CADM1: variants seen among roughly 807,000 people sequenced by gnomAD.
CADM1 encodes the protein cell adhesion molecule 1.
A neutral mutation model predicts 53.1 loss-of-function variants in CADM1; 15 were observed. The ratio of observed to expected loss-of-function variants is 0.28; its 90% CI spans 0.19 to 0.44. The LOEUF (loss-of-function observed/expected upper bound fraction) is 0.44. Ranked by LOEUF, CADM1 falls within the 20% of genes least tolerant of loss-of-function variation. CADM1 has a pLI of 1.00. For synonymous variants in CADM1, 281 were observed against 243.0 expected (o/e 1.16, Z -1.45); for missense variants, 434 against 611.3 (o/e 0.71, Z 3.06).
chr11:115,194,899 C>G (rs566954318), intron 9 of CADM1, among the ~76,000 whole-genome samples: 1 of 152,146 alleles, frequency 6.6e-6, no homozygotes, highest in African/African-American at 2.4e-5. Context: ...AACCATCACA[C>G]GCACCCACAC....
At chr11:115,376,532 T>C (rs999271179) in intron 1 of CADM1, among the ~76,000 whole-genome samples, 1 of 151,924 alleles carries the variant, frequency 6.6e-6, no homozygotes, top group Non-Finnish European at 1.5e-5. Flanking sequence ...AAAGCCAAGA[T>C]ACAAAAAAAG....
At chr11:115,479,122 G>A (rs1352244681) in intron 1 of CADM1, among the ~76,000 whole-genome samples, 1 of 152,094 alleles carries the variant, frequency 6.6e-6, no homozygotes, top group Admixed American at 6.5e-5. Context: ...AAATCATCTA[G>A]AAGTGGCAAT....
At chr11:115,497,346 A>G (rs1949641537) in intron 1 of CADM1, among the ~76,000 whole-genome samples, 1 of 152,204 alleles carries the variant, frequency 6.6e-6, no homozygotes, top group East Asian at 1.9e-4. Context: ...ATCTCCCTTA[A>G]GATAATCACC....
intron 1 of CADM1, among the ~76,000 whole-genome samples, chr11:115,340,658 A>ATATATATATTTTTTTTT (rs60532835): frequency 1.1e-4 from 4 of 34,938 alleles, no homozygotes; most frequent in East Asian, 1.1e-3. Flanking sequence ...ATATATATAT[A>ATATATATATTTTTTTTT]TTTTTTTTTT....
At chr11:115,231,883 G>A (rs1046329967) in intron 3 of CADM1, among the ~76,000 whole-genome samples, 7 of 152,138 alleles carry the variant, frequency 4.6e-5, no homozygotes, top group African/African-American at 1.7e-4. Flanking sequence ...CTACTTGGGA[G>A]GCTGAGGCAG....
chr11:115,374,997 A>G (rs773908283), intron 1 of CADM1, among the ~76,000 whole-genome samples: 2 of 152,220 alleles, frequency 1.3e-5, no homozygotes, highest in Non-Finnish European at 2.9e-5. Flanking sequence ...GTACAAAAGT[A>G]TTTAGGTAAG....
chr11:115,338,905 T>A (rs865848097), intron 1 of CADM1, among the ~76,000 whole-genome samples: 25 of 147,460 alleles, frequency 1.7e-4, no homozygotes, highest in Non-Finnish European at 2.3e-4. Context: ...TTTTTTTTTT[T>A]TTATTATACT....
At chr11:115,406,547 T>G (rs866487745) in intron 1 of CADM1, among the ~76,000 whole-genome samples, 20 of 148,132 alleles carry the variant, frequency 1.4e-4, no homozygotes, top group African/African-American at 4.9e-4. Flanking sequence ...TTATATAATG[T>G]AATACTTATA....
At chr11:115,252,697 G>A (rs987398882) in intron 1 of CADM1, among the ~76,000 whole-genome samples, 3 of 152,012 alleles carry the variant, frequency 2.0e-5, no homozygotes, top group Non-Finnish European at 4.4e-5. Flanking sequence ...TGTGAAGGGT[G>A]CCTAGTGTTA....
chr11:115,404,337 AAAAAAAAAAAT>A (rs1332336475), intron 1 of CADM1, among the ~76,000 whole-genome samples: 4 of 45,694 alleles, frequency 8.8e-5, no homozygotes, highest in African/African-American at 2.8e-4. Flanking sequence ...GAAAAAAAAA[AAAAAAAAAAAT>A]ATATATATAT....
At chr11:115,352,281 T>C (rs1201611598) in intron 1 of CADM1, among the ~76,000 whole-genome samples, 1 of 152,150 alleles carries the variant, frequency 6.6e-6, no homozygotes, top group Non-Finnish European at 1.5e-5. Context: ...ACTGATCCCT[T>C]TGGCAGAGGG....
At chr11:115,427,070 C>T (rs986944157) in intron 1 of CADM1, among the ~76,000 whole-genome samples, 17 of 151,974 alleles carry the variant, frequency 1.1e-4, no homozygotes, top group Non-Finnish European at 1.6e-4. Context: ...ACCTAGTTCC[C>T]GAAACAAAGT....
rs141964118 is a variant in CADM1, at chr11:115,345,252, A to T, written c.125-104832T>A. 6.6e-5 allele frequency among the ~76,000 whole-genome samples: 10 copies of T among 152,298 alleles called. No homozygotes were observed. In the East Asian group the frequency reaches 1.9e-3, roughly 29 times the overall value. ...GTTTATAAGCACTTCTGAGACTACA[A>T]AATAAACCAAGGGCAGAACTAATCA... is the stretch of plus-strand genomic sequence containing the variant. On this transcript the variant is annotated intron_variant, in intron 1 of 11. Coordinates refer to ENST00000331581, the MANE Select transcript of CADM1 (RefSeq NM_001301043.2).
intron 1 of CADM1, among the ~76,000 whole-genome samples, chr11:115,393,014 T>A (rs1007628242): frequency 7.8e-6 from 1 of 128,926 alleles, no homozygotes; most frequent in Non-Finnish European, 1.5e-5. Context: ...CTTGCACCTG[T>A]GAATAGCCAC....
At chr11:115,304,353 C>T (rs1295197711) in intron 1 of CADM1, among the ~76,000 whole-genome samples, 2 of 152,000 alleles carry the variant, frequency 1.3e-5, no homozygotes, top group Admixed American at 6.6e-5. Context: ...CCTTATCAAG[C>T]GCTTACATTT....
intron 1 of CADM1, among the ~76,000 whole-genome samples, chr11:115,486,557 C>A (rs1381819183): frequency 1.3e-5 from 2 of 152,068 alleles, no homozygotes; most frequent in Non-Finnish European, 2.9e-5. Flanking sequence ...GTTGCCCAGG[C>A]TGGTCTCAAG....
rs180979659 is a variant in CADM1, at chr11:115,170,731, C to G, written c.*5743G>C. ...AGGCCATATTGCATTCTGAAGGCCC[C>G]TCACAATATATGATAGCAATACTAA... is the stretch of plus-strand genomic sequence containing the variant. On this transcript the variant is annotated 3_prime_UTR_variant, in exon 12 of 12. Transcript: ENST00000331581. The G allele has an allele frequency of 2.0e-5, 3 of 152,270 alleles. No individual in the cohort carries two copies. The East Asian group carries it at 5.8e-4, about 29-fold the overall frequency. The allele number at this position is 152,270 out of a possible 1,614,324, so 9.4% of individuals were successfully genotyped here.
chr11:115,214,911 G>C (rs1565302839), intron 6 of CADM1, 131 bp from the exon 7 acceptor site: 1 of 987,280 alleles, frequency 1.0e-6, no homozygotes. Context: ...AATTACAACT[G>C]TGAAGTCTCC....
At chr11:115,231,283 C>A in intron 4 of CADM1, 70 bp downstream of exon 4, 1 of 1,536,674 alleles carries the variant, frequency 6.5e-7, no homozygotes, top group Non-Finnish European at 9.0e-7. Flanking sequence ...TGTATTTCTC[C>A]ATGATTTTCA....
Sources: allele counts gnomAD v4.1 joint callset (sites outside exome capture counted in the v4.1 genomes callset), GRCh38; gene constraint gnomAD v4.1.1; transcripts MANE v1.5; gene names NCBI Gene and HGNC (gene_info 2026-07-23, HGNC 2026-07-21).